The following RTN4 variants were observed in gnomAD, a reference collection of about 807,000 sequenced individuals.
The protein encoded by RTN4 is reticulon 4, also known as reticulon-4.
RTN4 carries 32 observed loss-of-function variants against 90.4 expected under a neutral mutation model. The ratio of observed to expected loss-of-function variants is 0.35; its 90% CI spans 0.27 to 0.48. The LOEUF (loss-of-function observed/expected upper bound fraction) is 0.48, where lower values mean the gene tolerates loss of function less well. RTN4 is among the 20% of genes least tolerant of loss of function. RTN4 has a pLI of 0.99. For missense variants in RTN4, 1,706 were observed against 1,430.2 expected (o/e 1.19, Z -3.11); for synonymous variants, 629 against 552.5 (o/e 1.14, Z -1.94).
At chr2:55,079,520 G>A (rs1256897972) in intron 2 of RTN4, among the ~76,000 whole-genome samples, 2 of 152,164 alleles carry the variant, frequency 1.3e-5, no homozygotes, top group African/African-American at 4.8e-5. Flanking sequence ...TTCAGCTTAT[G>A]GTCAGCAAGA....
intron 5 of RTN4, among the ~76,000 whole-genome samples, chr2:54,976,051 C>A (rs1677605541): frequency 6.6e-6 from 1 of 152,196 alleles, no homozygotes; most frequent in Admixed American, 6.5e-5. Context: ...ATAACTTTTG[C>A]ACTTGAGCAA....
chr2:55,136,828 C>T, the RTN4 span, among the ~76,000 whole-genome samples: 1 of 152,174 alleles, frequency 6.6e-6, no homozygotes, highest in South Asian at 2.1e-4. Context: ...TGTCCACTTC[C>T]CTGAGTCAGG....
upstream of RTN4, among the ~76,000 whole-genome samples, chr2:55,052,779 C>T (rs1668119781): frequency 6.6e-6 from 1 of 152,196 alleles, no homozygotes; most frequent in South Asian, 2.1e-4. Context: ...TATGATACGA[C>T]CTTTTCTATT....
intron 3 of RTN4, among the ~76,000 whole-genome samples, chr2:54,999,913 C>T (rs1459402573): frequency 6.6e-6 from 1 of 152,030 alleles, no homozygotes; most frequent in Non-Finnish European, 1.5e-5. Flanking sequence ...TTAAGAGGAC[C>T]TTAAGTCCTA....
chr2:55,102,818 T>C (rs1336220568), intron 1 of RTN4, among the ~76,000 whole-genome samples: 2 of 152,128 alleles, frequency 1.3e-5, no homozygotes, highest in African/African-American at 4.8e-5. Context: ...TCTTTATTAA[T>C]CTAAGAAGTT....
intron 1 of RTN4, among the ~76,000 whole-genome samples, chr2:55,038,066 G>C (rs1364266013): frequency 6.6e-6 from 1 of 152,020 alleles, no homozygotes; most frequent in Non-Finnish European, 1.5e-5. Context: ...TGGGAAAACT[G>C]CTTATTATAT....
intron 5 of RTN4, among the ~76,000 whole-genome samples, chr2:54,982,162 G>T (rs1181738372): frequency 2.6e-5 from 4 of 151,728 alleles, no homozygotes; most frequent in Non-Finnish European, 5.9e-5. Context: ...CTCCATGTTG[G>T]CCAGGCTAGT....
At chr2:54,988,044 C>T (rs936970562) in intron 3 of RTN4, among the ~76,000 whole-genome samples, 2 of 152,166 alleles carry the variant, frequency 1.3e-5, no homozygotes, top group Non-Finnish European at 2.9e-5. Flanking sequence ...GGGCTGGGTG[C>T]GGTGGTTCAT....
chr2:55,049,540 C>G (rs1175538350), intron 1 of RTN4: 1 of 807,054 alleles, frequency 1.2e-6, no homozygotes, highest in East Asian at 2.8e-5. Context: ...GAAACCAAGA[C>G]GGACAATAAG....
intron 2 of RTN4, among the ~76,000 whole-genome samples, chr2:55,077,756 T>TACACACACGCACACAC (rs1668628771): frequency 6.9e-6 from 1 of 144,350 alleles, no homozygotes; most frequent in African/African-American, 2.6e-5. Flanking sequence ...AAATGTTTTA[T>TACACACACGCACACAC]ACACACACAC....
At chr2:55,128,365 C>T in the RTN4 span, among the ~76,000 whole-genome samples, 1 of 152,140 alleles carries the variant, frequency 6.6e-6, no homozygotes. Flanking sequence ...AAAGCTCTCT[C>T]TCTAGACTTG....
chr2:55,004,065 G>A (rs902261261), intron 3 of RTN4, among the ~76,000 whole-genome samples: 1 of 152,116 alleles, frequency 6.6e-6, no homozygotes, highest in South Asian at 2.1e-4. Flanking sequence ...ATCCAATCCT[G>A]AAAGATGAAA....
rs1679028747 is a variant in RTN4, at chr2:54,991,744, C to G, written c.3014-4046G>C. On this transcript the variant is annotated intron_variant, in intron 3 of 8. Transcript: ENST00000337526. ...CTAGATTTTTTTGGGGAGAAGGAAG[C>G]TTAAATATTTTTATTCATACCAGTC... is the stretch of plus-strand genomic sequence containing the variant. 2.0e-5 allele frequency among the ~76,000 whole-genome samples: 3 copies of G among 152,110 alleles called. No individual in the cohort carries two copies. The South Asian group carries it at 6.2e-4, about 31-fold the overall frequency.
At chr2:55,008,571 A>G (rs903164170) in intron 3 of RTN4, among the ~76,000 whole-genome samples, 19 of 152,136 alleles carry the variant, frequency 1.2e-4, no homozygotes, top group Non-Finnish European at 2.9e-5. Flanking sequence ...TTACAAAGTG[A>G]GGCTCCCCAG....
At chr2:54,995,755 C>G (rs534499782) in intron 3 of RTN4, among the ~76,000 whole-genome samples, 12 of 152,068 alleles carry the variant, frequency 7.9e-5, no homozygotes, top group African/African-American at 2.4e-5. Context: ...CTGATACACA[C>G]CAGTGAACCT....
At chr2:55,096,369 T>C (rs1669034962) in intron 1 of RTN4, among the ~76,000 whole-genome samples, 1 of 151,942 alleles carries the variant, frequency 6.6e-6, no homozygotes, top group South Asian at 2.1e-4. Flanking sequence ...GACTTATCAC[T>C]GCTGATGCTG....
chr2:55,098,206 C>T (rs1390724749), intron 1 of RTN4, among the ~76,000 whole-genome samples: 3 of 152,134 alleles, frequency 2.0e-5, no homozygotes, highest in African/African-American at 7.2e-5. Flanking sequence ...GTACCCAGCA[C>T]AAAGCTGGTG....
intron 2 of RTN4, among the ~76,000 whole-genome samples, chr2:55,065,693 G>C (rs778567591): frequency 6.6e-6 from 1 of 152,034 alleles, no homozygotes; most frequent in Non-Finnish European, 1.5e-5. Flanking sequence ...AAAGGATGCA[G>C]TATGATTCCA....
chr2:54,978,104 A>G (rs1315776192), intron 5 of RTN4, among the ~76,000 whole-genome samples: 4 of 152,294 alleles, frequency 2.6e-5, no homozygotes, highest in South Asian at 4.1e-4. Context: ...TAAAATTTCA[A>G]TTTCTGAGGA....
Sources: allele counts gnomAD v4.1 joint callset (sites outside exome capture counted in the v4.1 genomes callset), GRCh38; gene constraint gnomAD v4.1.1; transcripts MANE v1.5; gene names NCBI Gene and HGNC (gene_info 2026-07-23, HGNC 2026-07-21).